DOCK7: variants seen among roughly 807,000 people sequenced by gnomAD.
DOCK7 encodes the protein dedicator of cytokinesis protein 7.
Under a neutral mutation model 271.0 loss-of-function variants are expected in DOCK7, and 138 were observed. The observed-to-expected ratio is 0.51, with a 90% CI of 0.44 to 0.59. The LOEUF (loss-of-function observed/expected upper bound fraction) is 0.59, where lower values mean the gene tolerates loss of function less well. Among genes scored for constraint, DOCK7 ranks in the 20% least tolerant of loss-of-function variants. The pLI is 0.00. For missense variants in DOCK7, 2,066 were observed against 2,592.4 expected (o/e 0.80, Z 4.41); for synonymous variants, 823 against 876.1 (o/e 0.94, Z 1.07).
At position 62,630,817 on chromosome 1, in the gene DOCK7, C is replaced by CA. The variant is rs924518445; in HGVS notation, c.1282+422dup. Among the ~76,000 whole-genome samples the CA allele has an allele frequency of 3.0e-4, 43 of 144,174 alleles. No individual in the cohort carries two copies. The South Asian group carries it at 5.3e-3, about 18-fold the overall frequency. 94.6% of individuals were successfully genotyped at this position (144,174 alleles called of 152,430 possible). A position where few individuals can be genotyped will look rare whatever the true frequency, so the allele number is the denominator to read the frequency against. Reference sequence around the variant, plus strand: ...ATAATGGTGTTAAATGAGAAAAAGGCAAAAAAAAAGAAAAAAGAAAATCCT... The same window carrying CA: ...ATAATGGTGTTAAATGAGAAAAAGGCAAAAAAAAAAGAAAAAAGAAAATCCT... On this transcript the variant is annotated intron_variant, in intron 11 of 49. Transcript: ENST00000635253.
At chr1:62,459,500 G>A (rs768416348) in intron 48 of DOCK7, among the ~76,000 whole-genome samples, 3 of 151,910 alleles carry the variant, frequency 2.0e-5, no homozygotes, top group Non-Finnish European at 4.4e-5. Flanking sequence ...CTCAGCCATC[G>A]AAAGTGTTGG....
In DOCK7 at chr1:62,586,553, ACT is replaced by A. The variant is rs1253289894; in HGVS notation, c.1752_1753del (p.Val585GlufsTer20). On this transcript the variant is annotated frameshift_variant, in exon 15 of 50. Transcript: ENST00000635253. LOFTEE classifies it high-confidence loss of function. ...CTCTCCATACATAAACTGGACTTTC[ACT>A]GTTATATTTCTAGCAGAACCTTGAC... is the stretch of plus-strand genomic sequence containing the variant. 1 of 1,612,966 alleles carries A rather than the reference ACT, an allele frequency of 6.2e-7. No homozygotes were observed. The highest frequency in any genetic ancestry group is 1.1e-5 in the South Asian group (1 of 90,964).
chr1:62,549,818 A>AC (rs1226429908), intron 22 of DOCK7, among the ~76,000 whole-genome samples: 1 of 151,898 alleles, frequency 6.6e-6, no homozygotes, highest in East Asian at 1.9e-4. Context: ...CCCTCCTAAC[A>AC]CCCACTGCCC....
intron 18 of DOCK7, among the ~76,000 whole-genome samples, chr1:62,574,170 G>T (rs1316159560): frequency 6.6e-6 from 1 of 152,070 alleles, no homozygotes; most frequent in Non-Finnish European, 1.5e-5. Context: ...GAGTCACAAG[G>T]ATCTTTAAGA....
chr1:62,621,574 A>C (rs1357354363), intron 12 of DOCK7, among the ~76,000 whole-genome samples: 4 of 152,138 alleles, frequency 2.6e-5, no homozygotes, highest in Non-Finnish European at 5.9e-5. Context: ...ATTATATTCT[A>C]AACAAGGATA....
chr1:62,536,745 A>T (rs927431815), intron 28 of DOCK7, among the ~76,000 whole-genome samples: 25 of 152,252 alleles, frequency 1.6e-4, no homozygotes, highest in Admixed American at 6.5e-5. Flanking sequence ...AAAATTAAGA[A>T]GTATTAAGAT....
At chr1:62,517,009 C>T (rs944550521) in intron 31 of DOCK7, among the ~76,000 whole-genome samples, 1 of 152,106 alleles carries the variant, frequency 6.6e-6, no homozygotes, top group African/African-American at 2.4e-5. Context: ...GAAGACTGGC[C>T]CTTATATCTT....
Position 62,538,077 on chromosome 1 carries a change from T to C in DOCK7, c.3301-16A>G. 2.5e-6 allele frequency: 4 copies of C among 1,607,156 alleles called. No individual in the cohort carries two copies. The highest frequency in any genetic ancestry group is 3.4e-6 in the Non-Finnish European group (4 of 1,176,164). On this transcript the variant is annotated splice_polypyrimidine_tract_variant and intron_variant, in intron 27 of 49. Transcript: ENST00000635253. Reference sequence around the variant, plus strand: ...TTGAAGACACCTTGTAAGCAATGCATAAGTAAGAGAACACCAATTGAATCT... The same window carrying C: ...TTGAAGACACCTTGTAAGCAATGCACAAGTAAGAGAACACCAATTGAATCT...
chr1:62,565,879 T>C (rs996367916), intron 18 of DOCK7, among the ~76,000 whole-genome samples: 3 of 152,176 alleles, frequency 2.0e-5, no homozygotes, highest in African/African-American at 7.2e-5. Flanking sequence ...AAAATCAATG[T>C]GCAAAAATCA....
In DOCK7 at chr1:62,539,564, A is replaced by G. The variant is rs2149393199; in HGVS notation, c.3281T>C (p.Ile1094Thr). 6.2e-7 allele frequency: 1 copy of G among 1,612,292 alleles called. No individual in the cohort carries two copies. The highest frequency in any genetic ancestry group is 8.5e-7 in the Non-Finnish European group (1 of 1,179,428). The change falls in exon 27 of 50, where the codon ATA becomes ACA. Residue 1094 changes from isoleucine to threonine, a missense_variant. This residue lies in a region of DOCK7 where 1,414 missense variants were observed against 1,670.4 expected (regional missense o/e 0.85). Transcript: ENST00000635253. ...CATTACCTGTTTATAGCAGGACTTT[A>G]TAAGGCTAAAAACAAATCCTCTGTC... ...VMDRGFVFSLIKSCYKQVSSK... is the reference protein window; with the variant it reads ...VMDRGFVFSLTKSCYKQVSSK...
intron 7 of DOCK7, among the ~76,000 whole-genome samples, chr1:62,640,028 C>A (rs997990646): frequency 2.0e-5 from 3 of 151,718 alleles, no homozygotes; most frequent in Non-Finnish European, 4.4e-5. Context: ...ACTTGCTGAG[C>A]AATACTCAAT....
chr1:62,672,273 T>G (rs561262105), intron 1 of DOCK7, among the ~76,000 whole-genome samples: 47 of 152,286 alleles, frequency 3.1e-4, no homozygotes, highest in Admixed American at 1.4e-3. Context: ...TTATACAATA[T>G]ATATTAGAAA....
chr1:62,645,445 T>C (rs988735477), intron 7 of DOCK7, among the ~76,000 whole-genome samples: 2 of 151,238 alleles, frequency 1.3e-5, no homozygotes, highest in South Asian at 2.1e-4. Context: ...ACATATTGCA[T>C]GATTCCATTT....
At chr1:62,471,853 T>G (rs1557591563) in intron 48 of DOCK7, among the ~76,000 whole-genome samples, 1 of 152,164 alleles carries the variant, frequency 6.6e-6, no homozygotes, top group East Asian at 1.9e-4. Flanking sequence ...GAATTTAAGA[T>G]TATAAGTATA....
At chr1:62,465,930 A>G (rs770163588) in intron 48 of DOCK7, among the ~76,000 whole-genome samples, 12 of 152,230 alleles carry the variant, frequency 7.9e-5, no homozygotes, top group South Asian at 2.1e-4. Flanking sequence ...GTATCTGTAG[A>G]TTAATGATTT....
chr1:62,631,276 C>A lies in DOCK7; in HGVS notation c.1246G>T (p.Glu416Ter). 6.2e-7 allele frequency: 1 copy of A among 1,610,462 alleles called. No individual in the cohort carries two copies. The highest frequency in any genetic ancestry group is 8.5e-7 in the Non-Finnish European group (1 of 1,178,940). The change falls in exon 11 of 50, where the codon GAA (glutamate) becomes TAA (stop). Residue 416 changes from glutamate (E) to a stop codon, truncating the protein, a stop_gained. Coordinates refer to ENST00000635253, the MANE Select transcript of DOCK7 (RefSeq NM_001367561.1). LOFTEE classifies it high-confidence loss of function. ...MNIVSSAGSL[E>*]RDSTEVEIST... is the part of the protein sequence containing the mutation. Reference sequence around the variant, plus strand: ...ATTTCTACTTCTGTAGAATCTCTTTCCAAACTCCCAGCACTGCTAACAATA... The same window carrying A: ...ATTTCTACTTCTGTAGAATCTCTTTACAAACTCCCAGCACTGCTAACAATA...
chr1:62,501,517 G>T (rs1646782936), intron 37 of DOCK7, among the ~76,000 whole-genome samples: 1 of 152,040 alleles, frequency 6.6e-6, no homozygotes, highest in Admixed American at 6.6e-5. Flanking sequence ...AAATATTGAG[G>T]TACAAAGAAT....
Position 62,633,589 on chromosome 1 carries a change from C to CA in DOCK7, c.1036-12dup, listed in dbSNP as rs1292442351. The CA allele has an allele frequency of 1.7e-5, 27 of 1,596,602 alleles. No homozygotes were observed. Among genetic ancestry groups the CA allele is most frequent in the Non-Finnish European group, 2.1e-5 (24 of 1,169,280 alleles). ...TAGGACTTTTTCTAGCTGTCAAAGGCAAAAAAAGTTAAGATTAAGCTTTTA... is the reference window on the plus strand; with the variant it reads ...TAGGACTTTTTCTAGCTGTCAAAGGCAAAAAAAAGTTAAGATTAAGCTTTTA... On this transcript the variant is annotated splice_polypyrimidine_tract_variant and intron_variant, in intron 9 of 49. Transcript: ENST00000635253.
At chr1:62,521,969 T>G (rs953129130) in intron 31 of DOCK7, among the ~76,000 whole-genome samples, 2 of 151,846 alleles carry the variant, frequency 1.3e-5, no homozygotes, top group Non-Finnish European at 2.9e-5. Context: ...CAGCGAGATA[T>G]CATCTCAAAA....
Sources: gnomAD v4.1 joint callset for allele counts (sites outside exome capture counted in the v4.1 genomes callset) on GRCh38, gnomAD v4.1.1 for gene constraint, gnomAD v4.1.1 regional missense constraint, MANE v1.5 for transcripts, NCBI Gene and HGNC (gene_info 2026-07-23, HGNC 2026-07-21) for gene names.